The following TLN2 variants were observed in gnomAD, a reference collection of about 807,000 sequenced individuals.
The protein encoded by TLN2 is talin 2, also known as talin-2.
TLN2 carries 118 observed loss-of-function variants against 294.7 expected under a neutral mutation model. The observed-to-expected ratio is 0.40, with a 90% confidence interval of 0.34 to 0.47. The LOEUF is 0.47. TLN2 is among the 20% of genes least tolerant of loss of function. The pLI is 0.84. For missense variants in TLN2, 3,083 were observed against 3,282.2 expected (o/e 0.94, Z 1.48); for synonymous variants, 1,431 against 1,304.5 (o/e 1.10, Z -2.09).
intron 1 of TLN2, among the ~76,000 whole-genome samples, chr15:62,457,629 G>T (rs963649372): frequency 6.6e-6 from 1 of 152,232 alleles, no homozygotes; most frequent in African/African-American, 2.4e-5. Flanking sequence ...TGGCGAGGCA[G>T]GGAGCTGGCT....
chr15:62,605,360 A>C (rs1402688799), intron 2 of TLN2, among the ~76,000 whole-genome samples: 1 of 152,222 alleles, frequency 6.6e-6, no homozygotes, highest in Non-Finnish European at 1.5e-5. Context: ...AATTTAATAA[A>C]CTAGTAAAAG....
chr15:62,570,743 G>A (rs1330952702), intron 1 of TLN2, among the ~76,000 whole-genome samples: 1 of 152,154 alleles, frequency 6.6e-6, no homozygotes, highest in East Asian at 1.9e-4. Context: ...AGTAGCACTC[G>A]GCCCCAGTGG....
chr15:62,777,165 C>T (rs773452307), intron 43 of TLN2, among the ~76,000 whole-genome samples: 7 of 152,100 alleles, frequency 4.6e-5, no homozygotes, highest in Admixed American at 2.6e-4. Flanking sequence ...CATAGGTTTC[C>T]TCAATTGTAA....
intron 27 of TLN2, 139 bp from the exon 28 acceptor site, chr15:62,726,938 TCCTGTACCAC>T: frequency 1.3e-6 from 1 of 772,706 alleles, no homozygotes; most frequent in Non-Finnish European, 2.1e-6. Flanking sequence ...GGGCTCCTTC[TCCTGTACCAC>T]CCTGCTGCGG....
intron 1 of TLN2, among the ~76,000 whole-genome samples, chr15:62,477,241 G>A (rs1264116541): frequency 1.3e-5 from 2 of 152,196 alleles, no homozygotes; most frequent in Admixed American, 6.5e-5. Flanking sequence ...AGGTCTGGGT[G>A]GGCCTGAGAG....
chr15:62,746,388 C>A (rs1406022544), intron 32 of TLN2, among the ~76,000 whole-genome samples: 1 of 152,176 alleles, frequency 6.6e-6, no homozygotes, highest in Non-Finnish European at 1.5e-5. Flanking sequence ...GTCCGGCTGT[C>A]TCCTTGTTCT....
intron 1 of TLN2, among the ~76,000 whole-genome samples, chr15:62,396,578 C>G (rs985254919): frequency 2.0e-5 from 3 of 152,170 alleles, no homozygotes; most frequent in Non-Finnish European, 2.9e-5. Context: ...AAAACTGTTT[C>G]CCTCTGCCCC....
intron 1 of TLN2, among the ~76,000 whole-genome samples, chr15:62,464,706 A>G (rs2037014825): frequency 6.6e-6 from 1 of 152,024 alleles, no homozygotes; most frequent in African/African-American, 2.4e-5. Flanking sequence ...TTGTTGGGTG[A>G]TGGATCACTT....
At chr15:62,745,914 A>G (rs1273483056) in intron 32 of TLN2, among the ~76,000 whole-genome samples, 1 of 152,218 alleles carries the variant, frequency 6.6e-6, no homozygotes, top group African/African-American at 2.4e-5. Context: ...CTGGATCAGT[A>G]TTACCCAAGC....
chr15:62,833,406 G>A, intron 54 of TLN2, 98 bp from the exon 55 acceptor site: 1 of 1,513,908 alleles, frequency 6.6e-7, no homozygotes, highest in Admixed American at 1.9e-5. Context: ...AAAACAATAG[G>A]CAGGTGAAGA....
chr15:62,632,388 G>A (rs558879653), intron 3 of TLN2, among the ~76,000 whole-genome samples: 9 of 152,226 alleles, frequency 5.9e-5, no homozygotes, highest in Non-Finnish European at 1.0e-4. Flanking sequence ...CTTCATCCTC[G>A]AATCACTTAG....
At chr15:62,550,985 G>T (rs1286134357) in intron 1 of TLN2, among the ~76,000 whole-genome samples, 1 of 152,094 alleles carries the variant, frequency 6.6e-6, no homozygotes, top group Non-Finnish European at 1.5e-5. Context: ...ATCAGTGGGA[G>T]CCCTGAGCTT....
At chr15:62,573,373 G>A (rs906489100) in intron 1 of TLN2, among the ~76,000 whole-genome samples, 11 of 152,022 alleles carry the variant, frequency 7.2e-5, no homozygotes, top group African/African-American at 2.7e-4. Context: ...GCCCTTGGAT[G>A]CATCATTAGA....
chr15:62,700,360 A>G (rs1053740423), intron 16 of TLN2, among the ~76,000 whole-genome samples: 20 of 152,224 alleles, frequency 1.3e-4, no homozygotes, highest in African/African-American at 4.8e-4. Context: ...ATGATCATTT[A>G]TTAGGTAAGT....
At chr15:62,738,448 C>T in intron 30 of TLN2, 115 bp downstream of exon 30, 1 of 1,268,808 alleles carries the variant, frequency 7.9e-7, no homozygotes, top group Non-Finnish European at 1.0e-6. Context: ...CTTTAGGAGT[C>T]CTGTTTTTCC....
intron 14 of TLN2, among the ~76,000 whole-genome samples, chr15:62,695,778 A>C (rs1214608162): frequency 6.6e-6 from 1 of 152,162 alleles, no homozygotes; most frequent in Non-Finnish European, 1.5e-5. Flanking sequence ...AAGTCTTTGG[A>C]ATTATTCATG....
intron 1 of TLN2, among the ~76,000 whole-genome samples, chr15:62,576,032 C>G (rs764767807): frequency 6.6e-6 from 1 of 152,036 alleles, no homozygotes; most frequent in Non-Finnish European, 1.5e-5. Flanking sequence ...TGTTTTGACT[C>G]TTGGTCTGCA....
At chr15:62,467,883 G>A (rs973696187) in intron 1 of TLN2, among the ~76,000 whole-genome samples, 3 of 152,098 alleles carry the variant, frequency 2.0e-5, no homozygotes, top group African/African-American at 4.8e-5. Context: ...TAATCCCTGC[G>A]GGGCCAGATC....
Position 62,744,373 on chromosome 15 carries a change from G to A in TLN2, c.4025+3604G>A, listed in dbSNP as rs1358022931. Among the ~76,000 whole-genome samples the A allele has an allele frequency of 3.3e-5, 5 of 150,536 alleles. No individual in the cohort carries two copies. The East Asian group carries it at 9.8e-4, about 29-fold the overall frequency. On this transcript the variant is annotated intron_variant, in intron 32 of 58. Coordinates refer to ENST00000636159, the MANE Select transcript of TLN2 (RefSeq NM_015059.3). Reference sequence around the variant, plus strand: ...ATTGCAAACACCTTGCCATCCTAGAGAGCCATAAAAGATTATTTTTGTTAT... The same window carrying A: ...ATTGCAAACACCTTGCCATCCTAGAAAGCCATAAAAGATTATTTTTGTTAT...
Sources: gnomAD v4.1 joint callset for allele counts (sites outside exome capture counted in the v4.1 genomes callset) on GRCh38, gnomAD v4.1.1 for gene constraint, MANE v1.5 for transcripts, NCBI Gene and HGNC (gene_info 2026-07-23, HGNC 2026-07-21) for gene names.